The following PPP1R12B variants were observed in gnomAD, a reference collection of about 807,000 sequenced individuals.
PPP1R12B encodes the protein protein phosphatase 1 regulatory subunit 12B.
In PPP1R12B, 76 loss-of-function variants were observed where a neutral mutation model predicts 126.1. That is an observed-to-expected ratio of 0.60 (90% confidence interval 0.50 to 0.73). The LOEUF (loss-of-function observed/expected upper bound fraction) is 0.73. PPP1R12B is among the 30% of genes least tolerant of loss of function. PPP1R12B has a pLI of 0.00. For synonymous variants in PPP1R12B, 356 were observed against 434.7 expected (o/e 0.82, Z 2.25); for missense variants, 1,052 against 1,205.1 (o/e 0.87, Z 1.88).
chr1:202,569,101 C>A, intron 22 of PPP1R12B, 46 bp from the exon 23 acceptor site: 1 of 1,594,880 alleles, frequency 6.3e-7, no homozygotes, highest in Non-Finnish European at 8.6e-7. Flanking sequence ...ATTTTTACTC[C>A]CTTCTGAATT....
At chr1:202,517,127 G>A (rs1682237521) in intron 18 of PPP1R12B, among the ~76,000 whole-genome samples, 1 of 152,158 alleles carries the variant, frequency 6.6e-6, no homozygotes, top group Non-Finnish European at 1.5e-5. Context: ...TTTTTACAGA[G>A]TACAGTTGTG....
In PPP1R12B at chr1:202,584,438, G is replaced by A. The variant is rs769415937; in HGVS notation, c.*3878G>A. The A allele has an allele frequency of 5.3e-5, 8 of 152,244 alleles. No homozygotes were observed. Among genetic ancestry groups the A allele is most frequent in the African/African-American group, 9.6e-5 (4 of 41,454 alleles). 9.4% of individuals were successfully genotyped at this position (152,244 alleles called of 1,614,324 possible). On this transcript the variant is annotated 3_prime_UTR_variant, in exon 24 of 24. Transcript: ENST00000608999. ...CAAGTTAATGGTCTGTGGATCCCAC[G>A]AAAGTGTGTGTAAACTACTGACTGT... is the stretch of plus-strand genomic sequence containing the variant.
At chr1:202,408,799 A>T (rs1487306378) in intron 1 of PPP1R12B, among the ~76,000 whole-genome samples, 1 of 150,666 alleles carries the variant, frequency 6.6e-6, no homozygotes, top group Non-Finnish European at 1.5e-5. Context: ...GGGTGTACAC[A>T]TATCTCTTTG....
intron 1 of PPP1R12B, among the ~76,000 whole-genome samples, chr1:202,378,896 C>T (rs12023683): frequency 0.4 from 61,142 of 151,922 alleles, 14,103 homozygotes; most frequent in East Asian, 0.68. Context: ...CCCTCAGATC[C>T]TCTTCTTACC....
chr1:202,430,898 CTG>C (rs1670108783), intron 7 of PPP1R12B, 88 bp downstream of exon 7: 2 of 1,512,260 alleles, frequency 1.3e-6, no homozygotes, highest in Non-Finnish European at 1.8e-6. Flanking sequence ...TGAAGAAACT[CTG>C]TGTTTGTATT....
intron 1 of PPP1R12B, among the ~76,000 whole-genome samples, chr1:202,354,861 C>T (rs34770787): frequency 0.41 from 59,123 of 145,122 alleles, 14,084 homozygotes; most frequent in East Asian, 0.7. Context: ...AGTCTTGCTC[C>T]GTCGCCCAGG....
intron 14 of PPP1R12B, among the ~76,000 whole-genome samples, chr1:202,488,901 G>A (rs1469895287): frequency 6.6e-6 from 1 of 152,150 alleles, no homozygotes; most frequent in Non-Finnish European, 1.5e-5. Flanking sequence ...AAATTAGCCA[G>A]GCATGGTGGT....
At chr1:202,493,070 C>T (rs149209843) in intron 14 of PPP1R12B, 44 bp from the exon 15 acceptor site, 1 of 1,567,634 alleles carries the variant, frequency 6.4e-7, no homozygotes, top group Non-Finnish European at 8.8e-7. Context: ...AGAGTTATTC[C>T]ATGGTTAGTG....
rs1014223657 is a variant in PPP1R12B at position 202,589,338 on chromosome 1, C to T, written c.*8778C>T. 3 of 152,142 alleles carry T rather than the reference C, an allele frequency of 2.0e-5. No homozygotes were observed. The highest frequency in any genetic ancestry group is 4.8e-5 in the African/African-American group (2 of 41,414). 9.4% of individuals were successfully genotyped at this position (152,142 alleles called of 1,614,324 possible). On this transcript the variant is annotated 3_prime_UTR_variant, in exon 24 of 24. Transcript: ENST00000608999. ...CTGGCTTTGCTCAGCCCTGTGTTTC[C>T]TGCCAAGCGGAAATCCCTGGTCACT...
At chr1:202,577,465 C>T (rs1467492506) in intron 23 of PPP1R12B, among the ~76,000 whole-genome samples, 1 of 152,044 alleles carries the variant, frequency 6.6e-6, no homozygotes, top group Admixed American at 6.5e-5. Flanking sequence ...CCCTAAGATA[C>T]TTATTGTCTG....
Position 202,583,109 on chromosome 1 carries a change from C to T in PPP1R12B, c.*2549C>T, listed in dbSNP as rs1415549998. ...TTAGAGTAATAAGTTTTATATCCTT[C>T]ATTCTGGGAGAGGAAATCAACATAA... On this transcript the variant is annotated 3_prime_UTR_variant, in exon 24 of 24. Coordinates refer to ENST00000608999, the MANE Select transcript of PPP1R12B (RefSeq NM_002481.4). 1 of 152,166 alleles carries T rather than the reference C, an allele frequency of 6.6e-6. No homozygotes were observed. The highest frequency in any genetic ancestry group is 1.5e-5 in the Non-Finnish European group (1 of 68,036). 9.4% of individuals were successfully genotyped at this position (152,166 alleles called of 1,614,324 possible). A position where few individuals can be genotyped will look rare whatever the true frequency, so the allele number is the denominator to read the frequency against.
At chr1:202,545,801 T>C (rs1391014299) in intron 18 of PPP1R12B, among the ~76,000 whole-genome samples, 1 of 152,158 alleles carries the variant, frequency 6.6e-6, no homozygotes, top group Non-Finnish European at 1.5e-5. Flanking sequence ...AAACAGTACA[T>C]TACAAAGGTA....
chr1:202,434,618 A>G (rs773396960), intron 8 of PPP1R12B, 38 bp from the exon 9 acceptor site: 8 of 1,586,252 alleles, frequency 5.0e-6, no homozygotes, highest in Middle Eastern at 1.7e-4. Context: ...TAAGATTTTT[A>G]TACTAGTACT....
intron 18 of PPP1R12B, among the ~76,000 whole-genome samples, chr1:202,498,477 TAATG>T (rs953181052): frequency 1.1e-4 from 16 of 152,250 alleles, no homozygotes; most frequent in African/African-American, 3.4e-4. Flanking sequence ...GAAAGGCCGA[TAATG>T]AATCAGCATA....
intron 12 of PPP1R12B, among the ~76,000 whole-genome samples, chr1:202,446,236 CTATA>C (rs1290788219): frequency 4.3e-4 from 38 of 88,042 alleles, no homozygotes; most frequent in African/African-American, 1.1e-3. Flanking sequence ...CTCTCTCTCT[CTATA>C]TATATATATA....
At chr1:202,362,171 C>T (rs532236171) in intron 1 of PPP1R12B, among the ~76,000 whole-genome samples, 58 of 151,278 alleles carry the variant, frequency 3.8e-4, no homozygotes, top group African/African-American at 1.2e-3. Context: ...TGAAATGTGA[C>T]GTTAAAATGC....
intron 1 of PPP1R12B, among the ~76,000 whole-genome samples, chr1:202,401,637 A>G (rs1396966704): frequency 2.0e-5 from 3 of 152,138 alleles, no homozygotes; most frequent in Non-Finnish European, 1.5e-5. Context: ...ATCTGTTTTC[A>G]TATTTGTTGT....
intron 1 of PPP1R12B, among the ~76,000 whole-genome samples, chr1:202,391,519 A>C (rs980482265): frequency 6.6e-6 from 1 of 151,982 alleles, no homozygotes; most frequent in Non-Finnish European, 1.5e-5. Flanking sequence ...CAGCAATTCT[A>C]CTCCCATAAA....
At chr1:202,424,326 C>CTTT (rs34030338) in intron 3 of PPP1R12B, among the ~76,000 whole-genome samples, 2 of 141,346 alleles carry the variant, frequency 1.4e-5, no homozygotes, top group African/African-American at 5.2e-5. Flanking sequence ...CAGGTTCTCT[C>CTTT]TTTTTTTTTT....
Sources: gnomAD v4.1 joint callset for allele counts (sites outside exome capture counted in the v4.1 genomes callset) on GRCh38, gnomAD v4.1.1 for gene constraint, MANE v1.5 for transcripts, NCBI Gene and HGNC (gene_info 2026-07-23, HGNC 2026-07-21) for gene names.